The following PLAC1 variants were observed in gnomAD, a reference collection of about 807,000 sequenced individuals.
PLAC1 encodes the protein placenta associated 1.
For synonymous variants in PLAC1, 68 were observed against 62.1 expected, an observed-to-expected ratio of 1.09 and a Z score of -0.44; for missense variants, 136 against 163.2, an observed-to-expected ratio of 0.83 and a Z score of 0.91.
intron 2 of PLAC1, among the ~76,000 whole-genome samples, chrX:134,689,363 G>A (rs990510249): frequency 1.2e-4 from 13 of 111,978 alleles, no homozygotes; most frequent in Admixed American, 8.5e-4. Flanking sequence ...TCCAGTTAGG[G>A]TTCCATTTTC....
intron 2 of PLAC1, among the ~76,000 whole-genome samples, chrX:134,590,178 G>C (rs146002715): frequency 0.13 from 13,993 of 105,787 alleles, 1,065 homozygotes; most frequent in African/African-American, 0.29. Flanking sequence ...CTGGGCAACA[G>C]AGTGAGACTC....
At chrX:134,603,425 C>T (rs1431577087) in intron 1 of PLAC1, among the ~76,000 whole-genome samples, 1 of 93,651 alleles carries the variant, frequency 1.1e-5, no homozygotes, top group African/African-American at 3.9e-5. Flanking sequence ...GCAAGCTCCA[C>T]CTCCCAGGTT....
chrX:134,599,817 G>T (rs1438151914), intron 2 of PLAC1, among the ~76,000 whole-genome samples: 1 of 111,458 alleles, frequency 9.0e-6, no homozygotes, highest in Non-Finnish European at 1.9e-5. Flanking sequence ...TCACTCTGGG[G>T]AGTAGAATGG....
At chrX:134,717,613 C>T (rs1467504998) in intron 2 of PLAC1, among the ~76,000 whole-genome samples, 1 of 112,243 alleles carries the variant, frequency 8.9e-6, no homozygotes, top group African/African-American at 3.2e-5. Flanking sequence ...AGAACTTTGC[C>T]TTCAGTGGGG....
chrX:134,694,850 T>C (rs2078557156), intron 2 of PLAC1, among the ~76,000 whole-genome samples: 1 of 112,211 alleles, frequency 8.9e-6, no homozygotes, highest in African/African-American at 3.2e-5. Context: ...GATTGTTTGC[T>C]ATAAATCTGA....
At chrX:134,569,902 T>C (rs1447296910) in intron 2 of PLAC1, among the ~76,000 whole-genome samples, 2 of 110,063 alleles carry the variant, frequency 1.8e-5, no homozygotes, top group Non-Finnish European at 3.8e-5. Context: ...CTTGGCTCAC[T>C]GCAACCTCCG....
chrX:134,636,027 C>T (rs750138636), intron 1 of PLAC1, among the ~76,000 whole-genome samples: 2 of 112,233 alleles, frequency 1.8e-5, no homozygotes, highest in South Asian at 7.5e-4. Context: ...ACTAGGACAG[C>T]AGGTGTAACA....
At chrX:134,650,286 G>C (rs1408370803) in intron 1 of PLAC1, among the ~76,000 whole-genome samples, 1 of 111,674 alleles carries the variant, frequency 9.0e-6, no homozygotes, top group Non-Finnish European at 1.9e-5. Flanking sequence ...TTTGTTATAG[G>C]AGTGTCGGCC....
At chrX:134,746,030 G>A (rs2078728328) in intron 1 of PLAC1, among the ~76,000 whole-genome samples, 1 of 111,513 alleles carries the variant, frequency 9.0e-6, no homozygotes, top group Admixed American at 9.5e-5. Context: ...CCTCTCCCTT[G>A]TTTTTGTTGA....
chrX:134,615,207 G>A (rs2078173808), intron 1 of PLAC1, among the ~76,000 whole-genome samples: 1 of 111,738 alleles, frequency 8.9e-6, no homozygotes, highest in Admixed American at 9.5e-5. Context: ...TGTACAGGTG[G>A]GTCCCTTTTT....
At chrX:134,628,361 A>T (rs1268819785) in intron 1 of PLAC1, among the ~76,000 whole-genome samples, 2 of 111,235 alleles carry the variant, frequency 1.8e-5, no homozygotes, top group Non-Finnish European at 3.8e-5. Context: ...AATGTGTCTA[A>T]CTCCCCTGGA....
intron 2 of PLAC1, among the ~76,000 whole-genome samples, chrX:134,704,103 A>G (rs954098012): frequency 7.5e-5 from 8 of 107,112 alleles, no homozygotes; most frequent in African/African-American, 2.7e-4. Context: ...ACAGAAATAC[A>G]ACTTCCAAAA....
chrX:134,741,702 G>GAA lies in PLAC1; in HGVS notation n.90-8185_90-8184dup, dbSNP rs60020281. 8.1e-4 allele frequency among the ~76,000 whole-genome samples: 57 copies of GAA among 70,594 alleles called. 2 individuals carry two copies. In the East Asian group the frequency reaches 0.019, roughly 24 times the overall value. The allele number at this position is 70,594 out of a possible 115,157, so 61.3% of individuals were successfully genotyped here. On this transcript the variant is annotated intron_variant and non_coding_transcript_variant, in intron 1 of 2. Transcript: ENST00000466797. ...TGCAGAGATGGTGTCCTCTGTCTTG[G>GAA]AAAAAAAAAAAAAAAAAAAGAACAC...
At chrX:134,585,103 G>A (rs1015924208) in intron 2 of PLAC1, among the ~76,000 whole-genome samples, 1 of 105,581 alleles carries the variant, frequency 9.5e-6, no homozygotes, top group Non-Finnish European at 1.9e-5. Context: ...AGGCTGAAGC[G>A]GGCGGATCAC....
intron 1 of PLAC1, among the ~76,000 whole-genome samples, chrX:134,655,790 A>G (rs2078388579): frequency 8.9e-6 from 1 of 112,571 alleles, no homozygotes; most frequent in South Asian, 3.6e-4. Flanking sequence ...CAATAATAAT[A>G]AAAGAAACCA....
intron 1 of PLAC1, among the ~76,000 whole-genome samples, chrX:134,758,472 T>C (rs1457688716): frequency 1.8e-5 from 2 of 111,902 alleles, no homozygotes; most frequent in African/African-American, 3.2e-5. Flanking sequence ...TGGAACAGCA[T>C]AGAGAACTCA....
At chrX:134,701,437 G>A (rs1368129620) in intron 2 of PLAC1, among the ~76,000 whole-genome samples, 1 of 111,144 alleles carries the variant, frequency 9.0e-6, no homozygotes, top group Non-Finnish European at 1.9e-5. Flanking sequence ...ATTGACAAGT[G>A]GGACCCAATT....
intron 1 of PLAC1, among the ~76,000 whole-genome samples, chrX:134,639,197 A>T (rs1472132387): frequency 9.0e-6 from 1 of 110,702 alleles, no homozygotes; most frequent in Non-Finnish European, 1.9e-5. Flanking sequence ...TTTTCTGACG[A>T]CTCTCCTCAA....
At chrX:134,761,558 T>C (rs2078770065) in intron 1 of PLAC1, among the ~76,000 whole-genome samples, 1 of 112,091 alleles carries the variant, frequency 8.9e-6, no homozygotes, top group Non-Finnish European at 1.9e-5. Flanking sequence ...ATATATGCAA[T>C]GTACACAGTA....
Sources: gnomAD v4.1 joint callset for allele counts (sites outside exome capture counted in the v4.1 genomes callset) on GRCh38, gnomAD v4.1.1 for gene constraint, MANE v1.5 for transcripts, NCBI Gene and HGNC (gene_info 2026-07-23, HGNC 2026-07-21) for gene names.